The following KLHL1 variants were observed in gnomAD, a reference collection of about 807,000 sequenced individuals.
KLHL1 encodes kelch like family member 1.
Under a neutral mutation model 77.7 loss-of-function variants are expected in KLHL1, and 47 were observed. The ratio of observed to expected loss-of-function variants is 0.60; its 90% CI spans 0.48 to 0.77. The LOEUF (loss-of-function observed/expected upper bound fraction) is 0.77, where lower values mean the gene tolerates loss of function less well. Ranked by LOEUF, KLHL1 falls within the 30% of genes least tolerant of loss-of-function variation. The probability of loss-of-function intolerance (pLI) is 0.00; values close to 1 mark genes in which losing one functional copy is unlikely to be tolerated. For missense variants in KLHL1, 925 were observed against 910.8 expected, an observed-to-expected ratio of 1.02 and a Z score of -0.20; for synonymous variants, 360 against 325.2, an observed-to-expected ratio of 1.11 and a Z score of -1.15.
chr13:70,061,511 T>G (rs1382205461), intron 1 of KLHL1, among the ~76,000 whole-genome samples: 1 of 152,128 alleles, frequency 6.6e-6, no homozygotes. Flanking sequence ...ACTCTCTTTA[T>G]TTCCCTTTAT....
chr13:69,791,932 A>G (rs1384931582), intron 7 of KLHL1, among the ~76,000 whole-genome samples: 1 of 152,202 alleles, frequency 6.6e-6, no homozygotes, highest in African/African-American at 2.4e-5. Flanking sequence ...ATAGAATTTC[A>G]TGAAGTTAAT....
intron 1 of KLHL1, among the ~76,000 whole-genome samples, chr13:70,004,056 A>G (rs1885354088): frequency 6.6e-6 from 1 of 151,864 alleles, no homozygotes; most frequent in African/African-American, 2.4e-5. Flanking sequence ...GTTTATTCAT[A>G]CTGGTTATAA....
At chr13:69,764,533 A>AC (rs1450355748) in intron 7 of KLHL1, among the ~76,000 whole-genome samples, 2 of 134,560 alleles carry the variant, frequency 1.5e-5, no homozygotes, top group African/African-American at 5.3e-5. Context: ...TAACATTTCT[A>AC]CTAAAAAATG....
At chr13:70,093,372 G>A (rs75523671) in intron 1 of KLHL1, among the ~76,000 whole-genome samples, 234 of 152,198 alleles carry the variant, frequency 1.5e-3, no homozygotes, top group African/African-American at 5.3e-3. Flanking sequence ...CATCTCTGAA[G>A]TACTTTTAGG....
chr13:69,738,841 CA>C (rs1245375526), intron 8 of KLHL1, among the ~76,000 whole-genome samples: 6 of 152,074 alleles, frequency 3.9e-5, no homozygotes, highest in Non-Finnish European at 8.8e-5. Flanking sequence ...GGATATCATC[CA>C]GGAGAACTTT....
intron 7 of KLHL1, among the ~76,000 whole-genome samples, chr13:69,793,566 T>C (rs1034465682): frequency 2.0e-5 from 3 of 151,154 alleles, no homozygotes; most frequent in Non-Finnish European, 2.9e-5. Flanking sequence ...GGTTTCATTT[T>C]TTTCAATTTT....
At chr13:69,797,030 G>T in intron 6 of KLHL1, 68 bp from the exon 7 acceptor site, 3 of 1,278,276 alleles carry the variant, frequency 2.3e-6, no homozygotes, top group South Asian at 2.5e-5. Flanking sequence ...CCAAAGCAGG[G>T]TACAAATTAG....
At chr13:70,093,862 C>A (rs1362937527) in intron 1 of KLHL1, among the ~76,000 whole-genome samples, 1 of 151,966 alleles carries the variant, frequency 6.6e-6, no homozygotes, top group Non-Finnish European at 1.5e-5. Context: ...TGTGAACTGT[C>A]TTATTATACA....
At chr13:69,958,996 T>C (rs1350173392) in intron 3 of KLHL1, among the ~76,000 whole-genome samples, 2 of 152,074 alleles carry the variant, frequency 1.3e-5, no homozygotes, top group Admixed American at 6.6e-5. Flanking sequence ...ACTTGCCTTA[T>C]GTCATGCCTG....
At chr13:69,984,562 T>C (rs1261363101) in intron 1 of KLHL1, among the ~76,000 whole-genome samples, 1 of 152,162 alleles carries the variant, frequency 6.6e-6, no homozygotes, top group Non-Finnish European at 1.5e-5. Context: ...TTGGGCTCTA[T>C]GTAAATCAGA....
At chr13:69,878,709 TATAGAGAGAG>T (rs1187872199) in intron 5 of KLHL1, among the ~76,000 whole-genome samples, 6 of 149,778 alleles carry the variant, frequency 4.0e-5, no homozygotes, top group East Asian at 3.9e-4. Flanking sequence ...TATATATATA[TATAGAGAGAG>T]AGAGAGAGAG....
chr13:70,022,150 T>TG (rs1300550209), intron 1 of KLHL1, among the ~76,000 whole-genome samples: 3 of 151,926 alleles, frequency 2.0e-5, no homozygotes, highest in Non-Finnish European at 4.4e-5. Flanking sequence ...CTATCAATTT[T>TG]GGGGGAGGGT....
chr13:69,938,336 ATAAAT>A (rs1480795838), intron 4 of KLHL1, among the ~76,000 whole-genome samples: 1 of 152,036 alleles, frequency 6.6e-6, no homozygotes, highest in Non-Finnish European at 1.5e-5. Flanking sequence ...AGTCTAAGAA[ATAAAT>A]TAATTTAGAG....
At chr13:70,031,010 C>T (rs924055026) in intron 1 of KLHL1, among the ~76,000 whole-genome samples, 5 of 152,256 alleles carry the variant, frequency 3.3e-5, no homozygotes, top group Non-Finnish European at 5.9e-5. Context: ...GGGATAAATT[C>T]CTGGACACAT....
intron 4 of KLHL1, among the ~76,000 whole-genome samples, chr13:69,883,462 A>T (rs1413887047): frequency 6.6e-6 from 1 of 152,206 alleles, no homozygotes; most frequent in Non-Finnish European, 1.5e-5. Flanking sequence ...TCAAGTTTCT[A>T]CTGAGTCTCA....
chr13:70,050,918 G>T (rs1430534468), intron 1 of KLHL1, among the ~76,000 whole-genome samples: 3 of 151,894 alleles, frequency 2.0e-5, no homozygotes, highest in African/African-American at 4.8e-5. Context: ...TCTCATATTT[G>T]TCATAGCTAA....
At position 70,084,468 on chromosome 13, in the gene KLHL1, T is replaced by TTTTTTTTTTC. The variant is rs1414531332; in HGVS notation, c.497+22734_497+22735insGAAAAAAAAA. On this transcript the variant is annotated intron_variant, in intron 1 of 10. Coordinates refer to ENST00000377844, the MANE Select transcript of KLHL1 (RefSeq NM_020866.3). Reference sequence around the variant, plus strand: ...TCTAGTCTATTTCTTCTTCTTCTTTTTTTTTTTTTGAGACGGAGTCTCGCT... The same window carrying TTTTTTTTTTC: ...TCTAGTCTATTTCTTCTTCTTCTTTTTTTTTTTTTCTTTTTTTTTGAGACGGAGTCTCGCT... Among the ~76,000 whole-genome samples, 24 of 133,686 alleles carry TTTTTTTTTTC rather than the reference T, an allele frequency of 1.8e-4. 1 individual carries two copies. The highest frequency in any genetic ancestry group is 6.4e-4 in the African/African-American group (22 of 34,468). 87.7% of individuals were successfully genotyped at this position (133,686 alleles called of 152,430 possible).
At chr13:70,071,891 G>GC (rs762213578) in intron 1 of KLHL1, among the ~76,000 whole-genome samples, 15 of 151,882 alleles carry the variant, frequency 9.9e-5, no homozygotes, top group South Asian at 2.1e-4. Context: ...CTATTCTTCA[G>GC]CCCCCCAAAA....
At chr13:69,777,525 C>T (rs1355047195) in intron 7 of KLHL1, among the ~76,000 whole-genome samples, 2 of 152,032 alleles carry the variant, frequency 1.3e-5, no homozygotes, top group Non-Finnish European at 2.9e-5. Flanking sequence ...ATGAGATAAT[C>T]CAATATCATT....
Sources: gnomAD v4.1 joint callset for allele counts (sites outside exome capture counted in the v4.1 genomes callset) on GRCh38, gnomAD v4.1.1 for gene constraint, MANE v1.5 for transcripts, NCBI Gene and HGNC (gene_info 2026-07-23, HGNC 2026-07-21) for gene names.